The following MMP20 variants were observed in gnomAD, a reference collection of about 807,000 sequenced individuals.
MMP20 encodes the protein matrix metalloproteinase-20.
In MMP20, 50 loss-of-function variants were observed where a neutral mutation model predicts 51.8. The ratio of observed to expected loss-of-function variants is 0.97; its 90% CI spans 0.77 to 1.22. The LOEUF (loss-of-function observed/expected upper bound fraction) is 1.22. Among genes scored for constraint, MMP20 ranks in the 50% most tolerant of loss-of-function variants. The probability of loss-of-function intolerance (pLI) is 0.00; values close to 1 mark genes in which losing one functional copy is unlikely to be tolerated. For synonymous variants in MMP20, 244 were observed against 216.2 expected, an observed-to-expected ratio of 1.13 and a Z score of -1.13; for missense variants, 663 against 601.4, an observed-to-expected ratio of 1.10 and a Z score of -1.07.
At chr11:102,600,439 A>G (rs1458915639) in intron 6 of MMP20, among the ~76,000 whole-genome samples, 1 of 152,082 alleles carries the variant, frequency 6.6e-6, no homozygotes, top group Non-Finnish European at 1.5e-5. Flanking sequence ...TTCTCAAATG[A>G]ATGATCTATC....
At position 102,611,870 on chromosome 11, in the gene MMP20, G is replaced by A. The variant is rs758023244; in HGVS notation, c.408C>T (p.Val136=). 1.1e-5 allele frequency: 18 copies of A among 1,613,996 alleles called. No homozygotes were observed. In the African/African-American group the frequency reaches 1.5e-4, roughly 13 times the overall value. ...CCATCTCCACTGCTTTGTCCACCTC[G>A]ACAGAACTCATGGAAGGTGTGTATT... ...ISKYTPSMSS[V]EVDKAVEMAL... The change falls in exon 3 of 10, where the codon GTC becomes GTT. Residue 136 remains valine (V), a synonymous_variant. Coordinates refer to ENST00000260228, the MANE Select transcript of MMP20 (RefSeq NM_004771.4).
intron 2 of MMP20, among the ~76,000 whole-genome samples, chr11:102,612,163 C>A (rs1000149537): frequency 6.6e-6 from 1 of 152,176 alleles, no homozygotes; most frequent in Non-Finnish European, 1.5e-5. Flanking sequence ...CTACCACCGA[C>A]TTAAAAGAAT....
intron 8 of MMP20, among the ~76,000 whole-genome samples, chr11:102,579,792 T>A (rs919561855): frequency 1.6e-5 from 2 of 126,384 alleles, no homozygotes; most frequent in African/African-American, 3.3e-5. Context: ...TATAGCAACA[T>A]GTTCTGTTAA....
chr11:102,600,764 G>A (rs1859435976), intron 6 of MMP20, among the ~76,000 whole-genome samples: 1 of 152,092 alleles, frequency 6.6e-6, no homozygotes, highest in Non-Finnish European at 1.5e-5. Context: ...GGGATTACAG[G>A]TGTGAGCCAT....
intron 5 of MMP20, chr11:102,606,954 A>G (rs540658156): frequency 4.6e-6 from 2 of 438,784 alleles, no homozygotes; most frequent in Non-Finnish European, 8.5e-6. Flanking sequence ...TGAGAATTAA[A>G]TAATTCCTGT....
chr11:102,618,667 C>T (rs1324352129), intron 1 of MMP20, among the ~76,000 whole-genome samples: 2 of 152,046 alleles, frequency 1.3e-5, no homozygotes, highest in African/African-American at 4.8e-5. Context: ...ATAAATCATA[C>T]ATATACACGC....
chr11:102,596,951 T>C (rs1360972648), intron 6 of MMP20, among the ~76,000 whole-genome samples: 2 of 152,248 alleles, frequency 1.3e-5, no homozygotes, highest in Non-Finnish European at 2.9e-5. Flanking sequence ...ATTGGGAACC[T>C]GGGATGAAAC....
intron 7 of MMP20, 76 bp downstream of exon 7, chr11:102,594,545 T>C: frequency 6.3e-6 from 10 of 1,583,202 alleles, no homozygotes; most frequent in Middle Eastern, 2.2e-4. Flanking sequence ...GGAAAAATGC[T>C]GGCAGGGCTA....
intron 6 of MMP20, among the ~76,000 whole-genome samples, chr11:102,595,408 C>T (rs1036912462): frequency 1.3e-5 from 2 of 152,090 alleles, no homozygotes; most frequent in African/African-American, 4.8e-5. Context: ...TTAAGCTATG[C>T]ACCCCCCCAT....
intron 6 of MMP20, among the ~76,000 whole-genome samples, chr11:102,594,998 T>G (rs1250763988): frequency 6.6e-6 from 1 of 151,588 alleles, no homozygotes; most frequent in Non-Finnish European, 1.5e-5. Context: ...CTCGGCTCAC[T>G]GCAACCTCCA....
intron 2 of MMP20, among the ~76,000 whole-genome samples, chr11:102,616,219 C>T (rs2031414943): frequency 6.6e-6 from 1 of 152,078 alleles, no homozygotes; most frequent in African/African-American, 2.4e-5. Context: ...ACTGCTGGTC[C>T]CTGGGCCACT....
At chr11:102,585,742 T>C (rs1490246884) in intron 8 of MMP20, among the ~76,000 whole-genome samples, 1 of 152,218 alleles carries the variant, frequency 6.6e-6, no homozygotes, top group African/African-American at 2.4e-5. Flanking sequence ...TGGGTTTTCA[T>C]AGACGCTCTT....
intron 1 of MMP20, among the ~76,000 whole-genome samples, chr11:102,619,185 G>A (rs1222284784): frequency 6.6e-6 from 1 of 151,910 alleles, no homozygotes; most frequent in Non-Finnish European, 1.5e-5. Context: ...GTCTGTGCAA[G>A]TTGATGCTGT....
At chr11:102,603,624 A>G (rs1859476107) in intron 6 of MMP20, among the ~76,000 whole-genome samples, 1 of 152,224 alleles carries the variant, frequency 6.6e-6, no homozygotes, top group African/African-American at 2.4e-5. Flanking sequence ...CACTATTATT[A>G]CAGACAACTC....
At chr11:102,624,010 G>C (rs79097188) in intron 1 of MMP20, among the ~76,000 whole-genome samples, 5,495 of 152,306 alleles carry the variant, frequency 0.036, 133 homozygotes, top group Non-Finnish European at 0.058. Context: ...GTTCAACATG[G>C]TTGTGCTGGG....
chr11:102,590,970 G>A (rs181888293), intron 8 of MMP20, among the ~76,000 whole-genome samples: 1 of 152,274 alleles, frequency 6.6e-6, no homozygotes, highest in East Asian at 1.9e-4. Context: ...TGCCATACTG[G>A]CTCTAAACTG....
intron 8 of MMP20, among the ~76,000 whole-genome samples, chr11:102,589,855 A>G (rs750981843): frequency 6.6e-6 from 1 of 152,152 alleles, no homozygotes; most frequent in East Asian, 1.9e-4. Flanking sequence ...TTTATTACTT[A>G]TTATTTATTT....
At chr11:102,600,948 CT>C (rs1241287904) in intron 6 of MMP20, among the ~76,000 whole-genome samples, 6 of 152,030 alleles carry the variant, frequency 3.9e-5, no homozygotes, top group East Asian at 1.9e-4. Flanking sequence ...AAAATACACC[CT>C]TTTTTCCCAG....
At chr11:102,581,485 G>C (rs1181660256) in intron 8 of MMP20, among the ~76,000 whole-genome samples, 1 of 152,146 alleles carries the variant, frequency 6.6e-6, no homozygotes, top group African/African-American at 2.4e-5. Flanking sequence ...TAGGTCTGCT[G>C]GTGTGGTGAG....
Sources: allele counts gnomAD v4.1 joint callset (sites outside exome capture counted in the v4.1 genomes callset), GRCh38; gene constraint gnomAD v4.1.1; transcripts MANE v1.5; gene names NCBI Gene and HGNC (gene_info 2026-07-23, HGNC 2026-07-21).